Variants in MGLL observed in about 807,000 individuals in gnomAD.
MGLL encodes monoglyceride lipase, also known as lysophospholipase homolog.
MGLL carries 7 observed loss-of-function variants against 29.1 expected under a neutral mutation model. The observed-to-expected ratio is 0.24, with a 90% CI of 0.14 to 0.45. MGLL has a LOEUF of 0.45. Among genes scored for constraint, MGLL ranks in the 20% least tolerant of loss-of-function variants. The pLI is 0.99. For missense variants in MGLL, 356 were observed against 413.6 expected (o/e 0.86, Z 1.21); for synonymous variants, 148 against 168.3 (o/e 0.88, Z 0.93).
At chr3:127,726,069 AAAAAG>A (rs201528271) in intron 3 of MGLL, among the ~76,000 whole-genome samples, 1,758 of 151,046 alleles carry the variant, frequency 0.012, 16 homozygotes, top group Non-Finnish European at 0.018. Flanking sequence ...TCTCAAAAAA[AAAAAG>A]AAAGGGAAAG....
chr3:127,735,383 T>C (rs2107647297), intron 3 of MGLL, among the ~76,000 whole-genome samples: 1 of 152,346 alleles, frequency 6.6e-6, no homozygotes, highest in East Asian at 1.9e-4. Context: ...AATGGATACA[T>C]TGTGGCAAAT....
At chr3:127,753,686 C>T (rs2076599554) in intron 3 of MGLL, among the ~76,000 whole-genome samples, 1 of 152,192 alleles carries the variant, frequency 6.6e-6, no homozygotes, top group Non-Finnish European at 1.5e-5. Context: ...CTTAAAATGG[C>T]CACACTAATA....
chr3:127,816,201 T>C (rs1405375126), intron 2 of MGLL, among the ~76,000 whole-genome samples: 1 of 152,196 alleles, frequency 6.6e-6, no homozygotes, highest in Non-Finnish European at 1.5e-5. Flanking sequence ...TCAGAAGGGC[T>C]ACAGGGTTCA....
Position 127,689,122 on chromosome 3 carries a change from T to C in MGLL, c.*3076A>G, listed in dbSNP as rs1007456365. ...TGTAGTGTACACTGATTCCTTTAGC[T>C]CTAAATGGATACATATGTGCCCCGC... On this transcript the variant is annotated 3_prime_UTR_variant, in exon 8 of 8. Coordinates refer to ENST00000265052, the MANE Select transcript of MGLL (RefSeq NM_007283.7). 1 of 152,240 alleles carries C rather than the reference T, an allele frequency of 6.6e-6. No homozygotes were observed. Among genetic ancestry groups the C allele is most frequent in the Non-Finnish European group, 1.5e-5 (1 of 68,044 alleles). 9.4% of individuals were successfully genotyped at this position (152,240 alleles called of 1,614,324 possible).
intron 3 of MGLL, chr3:127,735,576 T>C (rs545884792): frequency 9.9e-7 from 1 of 1,007,108 alleles, no homozygotes; most frequent in Admixed American, 2.3e-5. Context: ...AGACTCATAC[T>C]TATGTGATAA....
intron 3 of MGLL, among the ~76,000 whole-genome samples, chr3:127,779,683 C>G (rs13076593): frequency 0.091 from 13,882 of 152,206 alleles, 765 homozygotes; most frequent in South Asian, 0.15. Context: ...GAGATCCAAG[C>G]TAGTAAAATC....
intron 3 of MGLL, among the ~76,000 whole-genome samples, chr3:127,764,006 C>G (rs1295824107): frequency 3.9e-5 from 6 of 152,204 alleles, no homozygotes; most frequent in Admixed American, 3.9e-4. Flanking sequence ...CTCAGGCGCT[C>G]CTCCAGCTTC....
At chr3:127,792,720 C>T (rs530888916) in intron 2 of MGLL, among the ~76,000 whole-genome samples, 227 of 151,988 alleles carry the variant, frequency 1.5e-3, no homozygotes, top group African/African-American at 5.3e-3. Flanking sequence ...AAAAAAAAAT[C>T]CCTGCCTTGC....
At chr3:127,754,554 G>A (rs569413985) in intron 3 of MGLL, among the ~76,000 whole-genome samples, 3 of 152,198 alleles carry the variant, frequency 2.0e-5, no homozygotes, top group East Asian at 3.9e-4. Context: ...ATTTCACCAG[G>A]GTGGACGCTG....
intron 6 of MGLL, among the ~76,000 whole-genome samples, chr3:127,709,404 G>A (rs1245550455): frequency 6.6e-6 from 1 of 152,196 alleles, no homozygotes; most frequent in Admixed American, 6.5e-5. Context: ...TGATTTTTAA[G>A]CAGCTGGCCC....
chr3:127,705,235 G>C (rs554205157), intron 6 of MGLL, among the ~76,000 whole-genome samples: 1 of 152,172 alleles, frequency 6.6e-6, no homozygotes, highest in East Asian at 1.9e-4. Context: ...GAGGGGCACG[G>C]GGGGAGGGAG....
chr3:127,779,176 G>A (rs1004869156), intron 3 of MGLL, among the ~76,000 whole-genome samples: 1 of 152,120 alleles, frequency 6.6e-6, no homozygotes, highest in African/African-American at 2.4e-5. Context: ...GACCAGCCTG[G>A]CCAATATGGT....
intron 2 of MGLL, among the ~76,000 whole-genome samples, chr3:127,800,758 G>A (rs575703176): frequency 1.3e-5 from 2 of 152,282 alleles, no homozygotes; most frequent in African/African-American, 4.8e-5. Flanking sequence ...AAGTGTGGTA[G>A]TAAGAACTAC....
At chr3:127,781,073 T>C (rs1412239601) in intron 3 of MGLL, among the ~76,000 whole-genome samples, 2 of 152,044 alleles carry the variant, frequency 1.3e-5, no homozygotes, top group South Asian at 2.1e-4. Context: ...GGCCTGGGGT[T>C]GTGTGTGTGT....
chr3:127,744,532 A>G (rs1414241585), intron 3 of MGLL, among the ~76,000 whole-genome samples: 1 of 152,214 alleles, frequency 6.6e-6, no homozygotes, highest in Admixed American at 6.5e-5. Context: ...CCTTTCTCTC[A>G]GAGCTCTATG....
chr3:127,737,630 CT>C (rs774965066), intron 3 of MGLL, among the ~76,000 whole-genome samples: 10 of 68,606 alleles, frequency 1.5e-4, no homozygotes, highest in East Asian at 1.1e-3. Context: ...TCAACTGCTT[CT>C]TTTTTTTTTT....
intron 3 of MGLL, among the ~76,000 whole-genome samples, chr3:127,775,815 C>T (rs4311178): frequency 0.011 from 1,673 of 152,276 alleles, 38 homozygotes; most frequent in African/African-American, 0.039. Context: ...AGCAGGCCTG[C>T]GGGCAAATGG....
At chr3:127,766,746 A>C (rs1393607909) in intron 3 of MGLL, among the ~76,000 whole-genome samples, 2 of 152,184 alleles carry the variant, frequency 1.3e-5, no homozygotes, top group Non-Finnish European at 2.9e-5. Flanking sequence ...CTTTTCTTTC[A>C]AATATGAAGC....
At chr3:127,738,529 C>T (rs910853124) in intron 3 of MGLL, among the ~76,000 whole-genome samples, 3 of 152,148 alleles carry the variant, frequency 2.0e-5, no homozygotes, top group African/African-American at 7.2e-5. Flanking sequence ...CAACCATGGA[C>T]AGGCAGAAGG....
Sources: allele counts gnomAD v4.1 joint callset (sites outside exome capture counted in the v4.1 genomes callset), GRCh38; gene constraint gnomAD v4.1.1; transcripts MANE v1.5; gene names NCBI Gene and HGNC (gene_info 2026-07-23, HGNC 2026-07-21).